IGSF10: variants seen among roughly 807,000 people sequenced by gnomAD.
The protein encoded by IGSF10 is calvaria mechanical force protein 608.
IGSF10 carries 126 observed loss-of-function variants against 128.2 expected under a neutral mutation model. The ratio of observed to expected loss-of-function variants is 0.98; its 90% CI spans 0.85 to 1.14. IGSF10 has a LOEUF of 1.14. Among genes scored for constraint, IGSF10 ranks in the 50% most tolerant of loss-of-function variants. IGSF10 has a pLI of 0.00. For missense variants in IGSF10, 3,295 were observed against 3,149.8 expected, an observed-to-expected ratio of 1.05 and a Z score of -1.10; for synonymous variants, 1,185 against 1,146.2, an observed-to-expected ratio of 1.03 and a Z score of -0.68.
chr3:151,451,758 A>G (rs1358232864), intron 5 of IGSF10, among the ~76,000 whole-genome samples: 3 of 152,222 alleles, frequency 2.0e-5, no homozygotes, highest in African/African-American at 4.8e-5. Context: ...AAAATGTTTC[A>G]ATTAAGATTA....
At chr3:151,591,397 T>C in the IGSF10 span, among the ~76,000 whole-genome samples, 25 of 143,600 alleles carry the variant, frequency 1.7e-4, no homozygotes, top group Non-Finnish European at 3.7e-4. Flanking sequence ...ATAAAAAATA[T>C]ATAAATATAA....
At chr3:151,611,703 C>A in the IGSF10 span, among the ~76,000 whole-genome samples, 1 of 152,210 alleles carries the variant, frequency 6.6e-6, no homozygotes, top group African/African-American at 2.4e-5. Context: ...TGTGTTAGCC[C>A]AATAAAAACA....
the IGSF10 span, among the ~76,000 whole-genome samples, chr3:151,509,713 T>C: frequency 3.9e-5 from 6 of 152,182 alleles, no homozygotes; most frequent in African/African-American, 1.2e-4. Flanking sequence ...GGGTTGGGAA[T>C]TCCCTTTCCT....
the IGSF10 span, among the ~76,000 whole-genome samples, chr3:151,543,262 A>C: frequency 2.4e-5 from 3 of 123,976 alleles, no homozygotes; most frequent in Non-Finnish European, 5.0e-5. Flanking sequence ...GTCGATGGGC[A>C]GAAAGATCAC....
chr3:151,486,541 T>C, the IGSF10 span, among the ~76,000 whole-genome samples: 1 of 152,194 alleles, frequency 6.6e-6, no homozygotes, highest in Non-Finnish European at 1.5e-5. Flanking sequence ...TTTTACTTAT[T>C]CTAAAACTGA....
the IGSF10 span, among the ~76,000 whole-genome samples, chr3:151,551,450 C>T: frequency 4.0e-5 from 6 of 151,372 alleles, no homozygotes; most frequent in Admixed American, 2.0e-4. Flanking sequence ...ACCTCAATAA[C>T]GCATTTTTGA....
At chr3:151,442,397 T>TTTTTTTTA (rs1577665327) in intron 7 of IGSF10, among the ~76,000 whole-genome samples, 1 of 149,834 alleles carries the variant, frequency 6.7e-6, no homozygotes, top group African/African-American at 2.5e-5. Flanking sequence ...TTTTTTTTTT[T>TTTTTTTTA]GAGACAAAGT....
At chr3:151,479,475 A>G in the IGSF10 span, among the ~76,000 whole-genome samples, 1 of 152,162 alleles carries the variant, frequency 6.6e-6, no homozygotes, top group African/African-American at 2.4e-5. Flanking sequence ...TTTGATGGAC[A>G]ATGAACAGTG....
chr3:151,568,908 T>C, the IGSF10 span, among the ~76,000 whole-genome samples: 1 of 152,130 alleles, frequency 6.6e-6, no homozygotes, highest in Non-Finnish European at 1.5e-5. Context: ...AGGGAATCAA[T>C]AGATTACAGC....
At chr3:151,503,532 GATAT>G in the IGSF10 span, among the ~76,000 whole-genome samples, 1 of 152,050 alleles carries the variant, frequency 6.6e-6, no homozygotes, top group Non-Finnish European at 1.5e-5. Context: ...TAAACTAAGA[GATAT>G]ATTAGAAAAA....
the IGSF10 span, among the ~76,000 whole-genome samples, chr3:151,576,735 G>T: frequency 1.3e-5 from 2 of 152,050 alleles, no homozygotes; most frequent in Non-Finnish European, 2.9e-5. Flanking sequence ...CCAGTACCAC[G>T]AGAGTTTACA....
At chr3:151,552,186 G>A in the IGSF10 span, among the ~76,000 whole-genome samples, 23 of 152,236 alleles carry the variant, frequency 1.5e-4, no homozygotes, top group Admixed American at 4.6e-4. Context: ...CCAGCCATGT[G>A]AAGGTGTGCT....
the IGSF10 span, among the ~76,000 whole-genome samples, chr3:151,512,548 AAG>A: frequency 3.9e-5 from 6 of 152,236 alleles, no homozygotes; most frequent in African/African-American, 9.6e-5. Context: ...TCACAATTAA[AAG>A]AACTAGAGAA....
At chr3:151,588,596 G>A in the IGSF10 span, among the ~76,000 whole-genome samples, 4 of 152,066 alleles carry the variant, frequency 2.6e-5, no homozygotes, top group African/African-American at 7.2e-5. Context: ...TTTCTGATAC[G>A]GTGTATACAA....
chr3:151,488,120 C>T, the IGSF10 span, among the ~76,000 whole-genome samples: 1 of 152,130 alleles, frequency 6.6e-6, no homozygotes, highest in Admixed American at 6.5e-5. Flanking sequence ...TGATAAGCAA[C>T]TTCAGCAAAG....
chr3:151,544,992 T>C, the IGSF10 span, among the ~76,000 whole-genome samples: 1 of 152,180 alleles, frequency 6.6e-6, no homozygotes, highest in Non-Finnish European at 1.5e-5. Context: ...ACTTTATCTT[T>C]CATATCTGTT....
At chr3:151,615,839 A>T in the IGSF10 span, among the ~76,000 whole-genome samples, 2 of 152,232 alleles carry the variant, frequency 1.3e-5, no homozygotes, top group Admixed American at 6.5e-5. Context: ...CAAAATATTC[A>T]GTTAAGCATT....
At chr3:151,455,939 C>G (rs1309840466) in intron 4 of IGSF10, among the ~76,000 whole-genome samples, 1 of 152,130 alleles carries the variant, frequency 6.6e-6, no homozygotes, top group Non-Finnish European at 1.5e-5. Flanking sequence ...TCATCTCTGT[C>G]GAGAATGCTT....
the IGSF10 span, among the ~76,000 whole-genome samples, chr3:151,509,828 A>G: frequency 6.6e-6 from 1 of 152,202 alleles, no homozygotes. Flanking sequence ...AGGAGATTAT[A>G]TCCTGCACAT....
Sources: allele counts gnomAD v4.1 joint callset (sites outside exome capture counted in the v4.1 genomes callset), GRCh38; gene constraint gnomAD v4.1.1; transcripts MANE v1.5; gene names NCBI Gene and HGNC (gene_info 2026-07-23, HGNC 2026-07-21).